The following CXCL13 variants were observed in gnomAD, a reference collection of about 807,000 sequenced individuals.
CXCL13 encodes the protein C-X-C motif chemokine 13.
CXCL13 carries 7 observed loss-of-function variants against 12.2 expected under a neutral mutation model. The observed-to-expected ratio is 0.57, with a 90% CI of 0.33 to 1.07. The LOEUF (loss-of-function observed/expected upper bound fraction) is 1.07, where lower values mean the gene tolerates loss of function less well. CXCL13 is among the 50% of genes least tolerant of loss of function. The pLI is 0.04. For missense variants in CXCL13, 113 were observed against 127.4 expected, an observed-to-expected ratio of 0.89 and a Z score of 0.55; for synonymous variants, 47 against 42.4, an observed-to-expected ratio of 1.11 and a Z score of -0.42.
intron 1 of CXCL13, among the ~76,000 whole-genome samples, chr4:77,569,745 G>C (rs2109817783): frequency 6.6e-6 from 1 of 152,242 alleles, no homozygotes; most frequent in South Asian, 2.1e-4. Flanking sequence ...AAACTACCAA[G>C]GACATTCTTC....
intron 1 of CXCL13, among the ~76,000 whole-genome samples, chr4:77,580,304 C>CTTTTTTTTT (rs1560531865): frequency 1.2e-4 from 1 of 8,008 alleles, no homozygotes; most frequent in African/African-American, 3.9e-4. Flanking sequence ...GACAAGTTTT[C>CTTTTTTTTT]TTTCTTTTTT....
intron 1 of CXCL13, among the ~76,000 whole-genome samples, chr4:77,607,054 C>T (rs1727016032): frequency 6.6e-6 from 1 of 152,170 alleles, no homozygotes; most frequent in South Asian, 2.1e-4. Context: ...ACGTCTGTGA[C>T]ATTTTCTGAG....
At chr4:77,516,599 G>C (rs1578031225) in intron 1 of CXCL13, among the ~76,000 whole-genome samples, 3 of 152,176 alleles carry the variant, frequency 2.0e-5, no homozygotes, top group Non-Finnish European at 4.4e-5. Context: ...TTGCATAGAG[G>C]TGTTTGTAGT....
intron 1 of CXCL13, among the ~76,000 whole-genome samples, chr4:77,549,189 G>A (rs1420687985): frequency 6.6e-6 from 1 of 152,172 alleles, no homozygotes; most frequent in Non-Finnish European, 1.5e-5. Flanking sequence ...AGCTCCGTCA[G>A]GTCATTTAAG....
intron 1 of CXCL13, among the ~76,000 whole-genome samples, chr4:77,598,135 T>A (rs1726806910): frequency 6.6e-6 from 1 of 152,186 alleles, no homozygotes; most frequent in Admixed American, 6.5e-5. Flanking sequence ...GTCTTGACAG[T>A]ATACTGCCTC....
At chr4:77,597,377 C>G (rs770428134) in intron 1 of CXCL13, among the ~76,000 whole-genome samples, 60 of 152,100 alleles carry the variant, frequency 3.9e-4, no homozygotes, top group Non-Finnish European at 8.1e-4. Flanking sequence ...TTTGCATAAA[C>G]TAAAGCAATA....
intron 1 of CXCL13, among the ~76,000 whole-genome samples, chr4:77,585,097 G>A (rs1045711924): frequency 3.3e-5 from 5 of 152,008 alleles, no homozygotes; most frequent in African/African-American, 4.8e-5. Flanking sequence ...AATCACACAC[G>A]TCTGGCCACC....
chr4:77,528,121 A>G (rs987191873), intron 1 of CXCL13, among the ~76,000 whole-genome samples: 2 of 152,102 alleles, frequency 1.3e-5, no homozygotes, highest in African/African-American at 4.8e-5. Context: ...ATCCTTTTTC[A>G]TGGCTGCATA....
At chr4:77,568,677 A>T (rs1334331879) in intron 1 of CXCL13, among the ~76,000 whole-genome samples, 1 of 151,868 alleles carries the variant, frequency 6.6e-6, no homozygotes, top group African/African-American at 2.4e-5. Context: ...GGTTTTTGGC[A>T]TTTGGTGTGA....
intron 1 of CXCL13, among the ~76,000 whole-genome samples, chr4:77,550,119 A>T (rs1192981437): frequency 6.6e-6 from 1 of 152,216 alleles, no homozygotes; most frequent in Non-Finnish European, 1.5e-5. Flanking sequence ...GCAGTGAGCA[A>T]GGCTCTGTTG....
At chr4:77,554,177 T>C (rs1344429611) in intron 1 of CXCL13, among the ~76,000 whole-genome samples, 1 of 152,176 alleles carries the variant, frequency 6.6e-6, no homozygotes. Flanking sequence ...CCCTCATCAA[T>C]TGTGTGCTCT....
rs534745981 is a variant in CXCL13, at chr4:77,531,906, TC to T, written c.-43+20120del. Among the ~76,000 whole-genome samples the T allele has an allele frequency of 1.3e-3, 201 of 152,314 alleles. 1 individual carries two copies. The highest frequency in any genetic ancestry group is 4.6e-3 in the African/African-American group (192 of 41,562). ...TGTTTTCCATTTGCTTGGTAGATCT[TC>T]CTCCATCCCTTTATTTTGAGCCTAT... On this transcript the variant is annotated intron_variant, in intron 1 of 4. Transcript: ENST00000286758.
At chr4:77,554,657 C>T (rs974093898) in intron 1 of CXCL13, among the ~76,000 whole-genome samples, 14 of 152,072 alleles carry the variant, frequency 9.2e-5, no homozygotes, top group African/African-American at 3.4e-4. Flanking sequence ...ACATTATTTT[C>T]AGATGCACAT....
chr4:77,516,435 C>T (rs1724422017), intron 1 of CXCL13, among the ~76,000 whole-genome samples: 2 of 151,296 alleles, frequency 1.3e-5, no homozygotes, highest in Non-Finnish European at 2.9e-5. Context: ...TCCATCTGGT[C>T]CTGGACTCCT....
At chr4:77,522,768 A>C (rs1724643755) in intron 1 of CXCL13, among the ~76,000 whole-genome samples, 1 of 151,544 alleles carries the variant, frequency 6.6e-6, no homozygotes, top group South Asian at 2.1e-4. Context: ...TTAGCTGGCT[A>C]TTTTGCCCGT....
intron 1 of CXCL13, among the ~76,000 whole-genome samples, chr4:77,531,036 A>T (rs1435075353): frequency 6.6e-6 from 1 of 150,930 alleles, no homozygotes; most frequent in South Asian, 2.1e-4. Context: ...TTATGTACCC[A>T]GTAGTCATTC....
intron 1 of CXCL13, among the ~76,000 whole-genome samples, chr4:77,565,806 A>G (rs1428704829): frequency 1.3e-5 from 2 of 152,218 alleles, no homozygotes; most frequent in Non-Finnish European, 1.5e-5. Context: ...GCTGAAGGAC[A>G]TGGAAAAAAA....
intron 1 of CXCL13, among the ~76,000 whole-genome samples, chr4:77,553,349 T>A (rs993763551): frequency 6.6e-6 from 1 of 152,226 alleles, no homozygotes; most frequent in African/African-American, 2.4e-5. Flanking sequence ...TGAGCAGCCA[T>A]GCTGCTGGGT....
chr4:77,543,067 A>T (rs1725246787), intron 1 of CXCL13, among the ~76,000 whole-genome samples: 1 of 151,994 alleles, frequency 6.6e-6, no homozygotes, highest in Non-Finnish European at 1.5e-5. Context: ...TCAGGGTTTC[A>T]ATTTCTGCCT....
Sources: gnomAD v4.1 joint callset for allele counts (sites outside exome capture counted in the v4.1 genomes callset) on GRCh38, gnomAD v4.1.1 for gene constraint, MANE v1.5 for transcripts, NCBI Gene and HGNC (gene_info 2026-07-23, HGNC 2026-07-21) for gene names.